The following SGCZ variants were observed in gnomAD, a reference collection of about 807,000 sequenced individuals.
The protein encoded by SGCZ is zeta-sarcoglycan.
A neutral mutation model predicts 41.3 loss-of-function variants in SGCZ; 40 were observed. The ratio of observed to expected loss-of-function variants is 0.97; its 90% CI spans 0.75 to 1.26. SGCZ has a LOEUF of 1.26. Among genes scored for constraint, SGCZ ranks in the 50% most tolerant of loss-of-function variants. The pLI is 0.00. For synonymous variants in SGCZ, 206 were observed against 137.5 expected, an observed-to-expected ratio of 1.50 and a Z score of -3.49; for missense variants, 552 against 369.8, an observed-to-expected ratio of 1.49 and a Z score of -4.04.
intron 1 of SGCZ, among the ~76,000 whole-genome samples, chr8:14,682,655 C>T (rs1485958101): frequency 1.3e-5 from 2 of 152,066 alleles, no homozygotes; most frequent in East Asian, 3.9e-4. Flanking sequence ...AGGATGGTCT[C>T]GATCTCCTGA....
At chr8:15,225,938 C>T (rs1281477541) in intron 1 of SGCZ, among the ~76,000 whole-genome samples, 1 of 152,140 alleles carries the variant, frequency 6.6e-6, no homozygotes, top group Non-Finnish European at 1.5e-5. Flanking sequence ...CTGCTTTGAT[C>T]TATGCACATC....
chr8:14,261,136 T>C (rs1799652261), intron 3 of SGCZ, among the ~76,000 whole-genome samples: 1 of 152,124 alleles, frequency 6.6e-6, no homozygotes, highest in Non-Finnish European at 1.5e-5. Context: ...ATTTTTGCAA[T>C]ATAAAATTTC....
chr8:14,323,572 G>A (rs1201712537), intron 3 of SGCZ, among the ~76,000 whole-genome samples: 1 of 152,006 alleles, frequency 6.6e-6, no homozygotes, highest in Non-Finnish European at 1.5e-5. Context: ...ATGCTTCTAA[G>A]AGATAAAACA....
intron 1 of SGCZ, among the ~76,000 whole-genome samples, chr8:14,957,282 T>G (rs1713434955): frequency 6.6e-6 from 1 of 152,116 alleles, no homozygotes; most frequent in African/African-American, 2.4e-5. Flanking sequence ...CAAATATAAA[T>G]TTTCATCTTC....
At chr8:14,173,665 G>A (rs2117005791) in intron 4 of SGCZ, among the ~76,000 whole-genome samples, 1 of 152,138 alleles carries the variant, frequency 6.6e-6, no homozygotes, top group Admixed American at 6.6e-5. Context: ...AGCCAATACT[G>A]GAGATTAAAC....
At chr8:14,926,392 A>C (rs1469717200) in intron 1 of SGCZ, among the ~76,000 whole-genome samples, 1 of 152,210 alleles carries the variant, frequency 6.6e-6, no homozygotes. Flanking sequence ...ATCAATGTTA[A>C]AAATTCATAT....
chr8:14,437,465 A>G (rs745902589), intron 2 of SGCZ, among the ~76,000 whole-genome samples: 14 of 152,172 alleles, frequency 9.2e-5, no homozygotes, highest in Non-Finnish European at 1.3e-4. Flanking sequence ...TACATTAAAG[A>G]AATCTGCAAA....
chr8:14,945,628 G>A (rs910806983), intron 1 of SGCZ, among the ~76,000 whole-genome samples: 1 of 151,892 alleles, frequency 6.6e-6, no homozygotes, highest in Admixed American at 6.6e-5. Flanking sequence ...GGAGGAGATT[G>A]GCATGTGAGT....
At chr8:14,882,094 T>C (rs1243329316) in intron 1 of SGCZ, among the ~76,000 whole-genome samples, 2 of 152,228 alleles carry the variant, frequency 1.3e-5, no homozygotes, top group South Asian at 2.1e-4. Flanking sequence ...GGGAAATTTA[T>C]AGCACTAAAT....
intron 2 of SGCZ, among the ~76,000 whole-genome samples, chr8:14,429,256 A>G (rs1354271542): frequency 6.6e-6 from 1 of 152,182 alleles, no homozygotes; most frequent in Admixed American, 6.5e-5. Flanking sequence ...AAAGGAATTG[A>G]CAATGCTGGA....
Position 15,237,639 on chromosome 8 carries a change from G to T in SGCZ, c.-16C>A, listed in dbSNP as rs924883293. The T allele has an allele frequency of 1.9e-6, 3 of 1,579,756 alleles. No homozygotes were observed. The South Asian group carries it at 3.5e-5, about 18-fold the overall frequency. Reference sequence around the variant, plus strand: ...ATCTGTCCATGGAGCGCAACTAAACGAAGTGGAGAGGAACCGGGCGAGTGG... The same window carrying T: ...ATCTGTCCATGGAGCGCAACTAAACTAAGTGGAGAGGAACCGGGCGAGTGG... On this transcript the variant is annotated 5_prime_UTR_variant, in exon 1 of 8. Coordinates refer to ENST00000382080, the MANE Select transcript of SGCZ (RefSeq NM_139167.4).
intron 2 of SGCZ, among the ~76,000 whole-genome samples, chr8:14,534,606 C>T (rs1357815705): frequency 6.6e-6 from 1 of 151,890 alleles, no homozygotes; most frequent in Admixed American, 6.6e-5. Flanking sequence ...GACCGTTGAG[C>T]AAATAGCTAA....
At chr8:15,143,642 G>C (rs1342567635) in intron 1 of SGCZ, among the ~76,000 whole-genome samples, 1 of 152,146 alleles carries the variant, frequency 6.6e-6, no homozygotes, top group African/African-American at 2.4e-5. Flanking sequence ...GTCTCACTAT[G>C]TCTGACACTA....
intron 5 of SGCZ, among the ~76,000 whole-genome samples, chr8:14,122,978 G>T (rs890381892): frequency 2.0e-5 from 3 of 152,148 alleles, no homozygotes; most frequent in African/African-American, 7.2e-5. Flanking sequence ...CCCTTTTAGA[G>T]ATAAAGTGAA....
intron 5 of SGCZ, among the ~76,000 whole-genome samples, chr8:14,128,661 G>A (rs978355325): frequency 6.6e-6 from 1 of 152,058 alleles, no homozygotes; most frequent in African/African-American, 2.4e-5. Context: ...GTGTCCATCA[G>A]TGAATGTCTG....
At chr8:14,268,411 C>T (rs13262285) in intron 3 of SGCZ, among the ~76,000 whole-genome samples, 1 of 150,576 alleles carries the variant, frequency 6.6e-6, no homozygotes, top group Admixed American at 6.6e-5. Flanking sequence ...CCATTTTTGC[C>T]TCTGACTTTC....
At chr8:14,382,859 T>C (rs1804421302) in intron 2 of SGCZ, among the ~76,000 whole-genome samples, 1 of 152,286 alleles carries the variant, frequency 6.6e-6, no homozygotes, top group African/African-American at 2.4e-5. Context: ...GCTAGACTCT[T>C]GTACTCCAAT....
intron 1 of SGCZ, among the ~76,000 whole-genome samples, chr8:14,627,774 A>C (rs906302279): frequency 2.0e-5 from 3 of 151,950 alleles, no homozygotes; most frequent in African/African-American, 7.2e-5. Context: ...TGCAATCATG[A>C]ATACGTCTGC....
chr8:14,105,379 A>G (rs1563129380), intron 6 of SGCZ, among the ~76,000 whole-genome samples: 3 of 152,114 alleles, frequency 2.0e-5, no homozygotes, highest in Non-Finnish European at 2.9e-5. Context: ...GTTCTTCACA[A>G]TAACAAAACC....
Sources: gnomAD v4.1 joint callset for allele counts (sites outside exome capture counted in the v4.1 genomes callset) on GRCh38, gnomAD v4.1.1 for gene constraint, MANE v1.5 for transcripts, NCBI Gene and HGNC (gene_info 2026-07-23, HGNC 2026-07-21) for gene names.